NR2F1-AS1: variants seen among roughly 807,000 people sequenced by gnomAD.
NR2F1-AS1 encodes the protein NR2F1 antisense RNA 1.
intron 4 of NR2F1-AS1, among the ~76,000 whole-genome samples, chr5:93,457,829 T>C (rs745874354): frequency 1.3e-5 from 2 of 152,156 alleles, no homozygotes; most frequent in Non-Finnish European, 2.9e-5. Context: ...GGCAACTTCA[T>C]CTGTTCTGAC....
chr5:93,453,330 C>CA (rs1749878031), intron 4 of NR2F1-AS1, among the ~76,000 whole-genome samples: 1 of 151,578 alleles, frequency 6.6e-6, no homozygotes, highest in South Asian at 2.1e-4. Context: ...ATCATGCAGA[C>CA]TAATATATAT....
chr5:93,447,336 A>G (rs1242916091), intron 4 of NR2F1-AS1, among the ~76,000 whole-genome samples: 2 of 152,152 alleles, frequency 1.3e-5, no homozygotes, highest in East Asian at 3.9e-4. Flanking sequence ...GAATCTACAA[A>G]GAACTTAAAC....
intron 4 of NR2F1-AS1, among the ~76,000 whole-genome samples, chr5:93,452,695 CT>C (rs1252857729): frequency 6.6e-6 from 1 of 152,148 alleles, no homozygotes; most frequent in Non-Finnish European, 1.5e-5. Context: ...AGAATTAATT[CT>C]CATTTGCCAG....
chr5:93,540,846 C>T (rs1254926583), intron 4 of NR2F1-AS1, among the ~76,000 whole-genome samples: 1 of 152,138 alleles, frequency 6.6e-6, no homozygotes, highest in Non-Finnish European at 1.5e-5. Context: ...GGAGAAAAAG[C>T]ATGGGAACAC....
At chr5:93,464,478 A>C (rs902278431) in intron 4 of NR2F1-AS1, among the ~76,000 whole-genome samples, 5 of 152,246 alleles carry the variant, frequency 3.3e-5, no homozygotes, top group Admixed American at 2.6e-4. Context: ...TAGTCTTAGA[A>C]ATTTAACAGC....
At chr5:93,570,786 C>T (rs1752740636) in intron 1 of NR2F1-AS1, 1 of 152,228 alleles carries the variant, frequency 6.6e-6, no homozygotes. Context: ...GGGGACCGCA[C>T]TAGCGTCGAC....
intron 4 of NR2F1-AS1, among the ~76,000 whole-genome samples, chr5:93,510,881 C>A (rs1751281193): frequency 6.6e-6 from 1 of 152,128 alleles, no homozygotes; most frequent in Non-Finnish European, 1.5e-5. Context: ...TATTATTGTT[C>A]TAACTGACCT....
chr5:93,457,676 C>T (rs755807635), intron 4 of NR2F1-AS1, among the ~76,000 whole-genome samples: 4 of 151,962 alleles, frequency 2.6e-5, no homozygotes, highest in Non-Finnish European at 5.9e-5. Context: ...CTGCACACAC[C>T]GTTGATACAA....
intron 4 of NR2F1-AS1, among the ~76,000 whole-genome samples, chr5:93,449,997 T>C (rs147744806): frequency 4.3e-4 from 66 of 152,322 alleles, no homozygotes; most frequent in African/African-American, 1.4e-3. Flanking sequence ...GTAGTTCTGA[T>C]AGACTATTAG....
chr5:93,417,548 T>C (rs1170961632), intron 4 of NR2F1-AS1, among the ~76,000 whole-genome samples: 1 of 152,242 alleles, frequency 6.6e-6, no homozygotes, highest in Non-Finnish European at 1.5e-5. Flanking sequence ...CAGATGCTCA[T>C]ATTAAAGAAT....
intron 4 of NR2F1-AS1, chr5:93,423,378 T>G: frequency 6.6e-6 from 1 of 152,276 alleles, no homozygotes; most frequent in South Asian, 2.1e-4. Flanking sequence ...GTCTATTCAT[T>G]CTCTCAATTC....
At chr5:93,553,891 C>A (rs1441588651) in intron 3 of NR2F1-AS1, 1 of 152,110 alleles carries the variant, frequency 6.6e-6, no homozygotes, top group Non-Finnish European at 1.5e-5. Flanking sequence ...CCAGTGGTCA[C>A]AGAAAATAAC....
intron 4 of NR2F1-AS1, among the ~76,000 whole-genome samples, chr5:93,485,398 T>C (rs139086134): frequency 1.3e-3 from 197 of 152,294 alleles, no homozygotes; most frequent in African/African-American, 4.4e-3. Context: ...AATAATTAAG[T>C]TCTTTGAAAC....
intron 4 of NR2F1-AS1, among the ~76,000 whole-genome samples, chr5:93,504,901 C>A (rs1434955209): frequency 2.0e-5 from 3 of 152,112 alleles, no homozygotes; most frequent in Non-Finnish European, 4.4e-5. Context: ...ATCTCATGTT[C>A]TTACATCTCA....
chr5:93,497,826 T>C (rs1750996763), intron 4 of NR2F1-AS1, among the ~76,000 whole-genome samples: 1 of 152,202 alleles, frequency 6.6e-6, no homozygotes, highest in South Asian at 2.1e-4. Flanking sequence ...GCATTCCTCA[T>C]GTTTTCATTA....
At chr5:93,554,483 C>G (rs1752304616) in intron 3 of NR2F1-AS1, among the ~76,000 whole-genome samples, 1 of 152,124 alleles carries the variant, frequency 6.6e-6, no homozygotes, top group Non-Finnish European at 1.5e-5. Context: ...AGTTGAATCT[C>G]CTTCATAAAG....
intron 4 of NR2F1-AS1, among the ~76,000 whole-genome samples, chr5:93,437,874 C>T (rs1749477281): frequency 6.6e-6 from 1 of 152,018 alleles, no homozygotes; most frequent in Non-Finnish European, 1.5e-5. Context: ...CTACTGAATA[C>T]CTTTATTTAG....
intron 4 of NR2F1-AS1, among the ~76,000 whole-genome samples, chr5:93,520,826 C>A (rs955652316): frequency 6.6e-6 from 1 of 152,138 alleles, no homozygotes; most frequent in Non-Finnish European, 1.5e-5. Flanking sequence ...AAGCCTCCCC[C>A]CAAAGAAAGC....
At chr5:93,561,213 C>A (rs570254954) in intron 2 of NR2F1-AS1, among the ~76,000 whole-genome samples, 1 of 151,862 alleles carries the variant, frequency 6.6e-6, no homozygotes, top group Non-Finnish European at 1.5e-5. Flanking sequence ...GCAGAGGTTG[C>A]GGTAAGCCGA....
Sources: allele counts gnomAD v4.1 joint callset (sites outside exome capture counted in the v4.1 genomes callset), GRCh38; gene constraint gnomAD v4.1.1; transcripts MANE v1.5; gene names NCBI Gene and HGNC (gene_info 2026-07-23, HGNC 2026-07-21).